The following CWC27 variants were observed in gnomAD, a reference collection of about 807,000 sequenced individuals.
CWC27 encodes the protein spliceosome-associated protein CWC27 homolog.
CWC27 carries 47 observed loss-of-function variants against 63.6 expected under a neutral mutation model. That is an observed-to-expected ratio of 0.74 (90% CI 0.58 to 0.94). CWC27 has a LOEUF of 0.94. CWC27 is among the 40% of genes least tolerant of loss of function. The pLI is 0.00. For missense variants in CWC27, 495 were observed against 554.3 expected (o/e 0.89, Z 1.07); for synonymous variants, 175 against 179.8 (o/e 0.97, Z 0.22).
chr5:64,847,691 A>G (rs1468324822), intron 10 of CWC27, among the ~76,000 whole-genome samples: 4 of 152,328 alleles, frequency 2.6e-5, no homozygotes, highest in East Asian at 1.9e-4. Context: ...TCTGACCACA[A>G]TGATATGAAG....
At position 64,871,539 on chromosome 5, in the gene CWC27, G is replaced by A. The variant is rs145576627; in HGVS notation, c.939-13904G>A. ...TAGGATGTGGGAATGCATGCAAAAAGTGAGGCAAGAGATAAAGATGGAGAA... is the reference window on the plus strand; with the variant it reads ...TAGGATGTGGGAATGCATGCAAAAAATGAGGCAAGAGATAAAGATGGAGAA... On this transcript the variant is annotated intron_variant, in intron 10 of 13. Coordinates refer to ENST00000381070, the MANE Select transcript of CWC27 (RefSeq NM_005869.4). Among the ~76,000 whole-genome samples the A allele has an allele frequency of 2.3e-3, 357 of 152,212 alleles. 1 individual carries two copies. The highest frequency in any genetic ancestry group is 8.3e-3 in the African/African-American group (344 of 41,540).
chr5:64,994,163 A>T (rs1749588361), intron 13 of CWC27, among the ~76,000 whole-genome samples: 1 of 152,290 alleles, frequency 6.6e-6, no homozygotes, highest in African/African-American at 2.4e-5. Flanking sequence ...TAGTCAGATT[A>T]TCATCATTGT....
At chr5:64,997,360 G>T (rs2112463132) in intron 13 of CWC27, among the ~76,000 whole-genome samples, 1 of 152,180 alleles carries the variant, frequency 6.6e-6, no homozygotes, top group Middle Eastern at 3.4e-3. Flanking sequence ...TGGATTAAAT[G>T]AAATACTATT....
chr5:64,929,504 C>T (rs1414823680), intron 11 of CWC27, among the ~76,000 whole-genome samples: 1 of 152,080 alleles, frequency 6.6e-6, no homozygotes, highest in Non-Finnish European at 1.5e-5. Flanking sequence ...TGAGAACACA[C>T]AACTCAAGAA....
intron 11 of CWC27, among the ~76,000 whole-genome samples, chr5:64,904,632 CAT>C (rs1358917703): frequency 2.0e-5 from 3 of 152,216 alleles, no homozygotes; most frequent in Admixed American, 2.0e-4. Context: ...TAAAGTGACA[CAT>C]GTCACTAAGT....
chr5:64,923,694 T>A (rs1396696713), intron 11 of CWC27, among the ~76,000 whole-genome samples: 1 of 150,760 alleles, frequency 6.6e-6, no homozygotes, highest in Non-Finnish European at 1.5e-5. Context: ...ATTGATTTAC[T>A]GAGTTTTGAA....
chr5:65,017,176 C>G (rs1287452603), intron 13 of CWC27, among the ~76,000 whole-genome samples: 1 of 152,026 alleles, frequency 6.6e-6, no homozygotes, highest in Non-Finnish European at 1.5e-5. Flanking sequence ...AAAAAATTAG[C>G]CAGGCGTGGT....
At chr5:64,902,463 A>G (rs377697875) in intron 11 of CWC27, among the ~76,000 whole-genome samples, 3 of 152,174 alleles carry the variant, frequency 2.0e-5, no homozygotes, top group South Asian at 2.1e-4. Flanking sequence ...GTTCTAGACC[A>G]TTTGTTGAAA....
At chr5:64,839,567 G>T (rs1379181569) in intron 10 of CWC27, among the ~76,000 whole-genome samples, 3 of 152,190 alleles carry the variant, frequency 2.0e-5, no homozygotes, top group Admixed American at 2.0e-4. Flanking sequence ...AAACGAGAAA[G>T]CACAGGGCCT....
At chr5:64,889,114 A>G (rs1747158092) in intron 11 of CWC27, among the ~76,000 whole-genome samples, 1 of 152,222 alleles carries the variant, frequency 6.6e-6, no homozygotes, top group South Asian at 2.1e-4. Flanking sequence ...TGTCAAGGTC[A>G]TGAAAGACAA....
intron 11 of CWC27, among the ~76,000 whole-genome samples, chr5:64,921,169 T>C (rs1319230746): frequency 6.6e-6 from 1 of 152,234 alleles, no homozygotes; most frequent in East Asian, 1.9e-4. Flanking sequence ...TAATTTTTTA[T>C]TTCTGCCTCA....
intron 13 of CWC27, among the ~76,000 whole-genome samples, chr5:64,996,437 T>C (rs1749633774): frequency 1.3e-5 from 2 of 152,176 alleles, no homozygotes; most frequent in African/African-American, 4.8e-5. Flanking sequence ...AGTAAAACGT[T>C]GAGCTGAGGT....
At chr5:64,897,690 G>A (rs1747413280) in intron 11 of CWC27, among the ~76,000 whole-genome samples, 1 of 152,050 alleles carries the variant, frequency 6.6e-6, no homozygotes, top group Admixed American at 6.5e-5. Context: ...TACATAGTTT[G>A]TTACCTATGT....
chr5:64,782,028 T>C lies in CWC27; in HGVS notation c.247T>C (p.Phe83Leu). 6.8e-7 allele frequency: 1 copy of C among 1,470,924 alleles called. No homozygotes were observed. Among genetic ancestry groups the C allele is most frequent in the Non-Finnish European group, 9.4e-7 (1 of 1,069,134 alleles). The allele number at this position is 1,470,924 out of a possible 1,614,324, so 91.1% of individuals were successfully genotyped here. The change falls in exon 3 of 14, where the codon TTC becomes CTC. Residue 83 changes from phenylalanine to leucine, a missense_variant. This residue lies in a region of CWC27 where 463 missense variants were observed against 498.1 expected (regional missense o/e 0.93). Transcript: ENST00000381070. ...TGGAGAGTCTATCTATGGAGCGCCA[T>C]TCAAAGTAAGACTGAATTATTATTT... Reference protein sequence around the residue: ...SGGESIYGAPFKDEFHSRLRF... With the variant: ...SGGESIYGAPLKDEFHSRLRF...
chr5:64,876,599 A>C (rs1461157675), intron 10 of CWC27, among the ~76,000 whole-genome samples: 1 of 152,094 alleles, frequency 6.6e-6, no homozygotes, highest in Non-Finnish European at 1.5e-5. Context: ...ATGTAGATTT[A>C]AGATCTCTCC....
chr5:64,904,843 A>G (rs766485489), intron 11 of CWC27, among the ~76,000 whole-genome samples: 7 of 152,212 alleles, frequency 4.6e-5, no homozygotes, highest in Non-Finnish European at 1.0e-4. Flanking sequence ...TAGGAATTTA[A>G]TTGTAAGACC....
chr5:64,999,848 T>C (rs1561184624), intron 13 of CWC27, among the ~76,000 whole-genome samples: 1 of 152,130 alleles, frequency 6.6e-6, no homozygotes, highest in African/African-American at 2.4e-5. Context: ...TTTGGATAGA[T>C]ACTCAGTAGT....
chr5:64,939,772 C>A (rs1580738687), intron 11 of CWC27, among the ~76,000 whole-genome samples: 1 of 152,088 alleles, frequency 6.6e-6, no homozygotes. Context: ...TATCTATAAT[C>A]CCCTGAATGG....
intron 11 of CWC27, among the ~76,000 whole-genome samples, chr5:64,925,324 A>G (rs973143674): frequency 5.9e-5 from 9 of 152,130 alleles, no homozygotes; most frequent in Non-Finnish European, 4.4e-5. Context: ...GCTTTTACAC[A>G]TCTTCACCCA....
Sources: allele counts gnomAD v4.1 joint callset (sites outside exome capture counted in the v4.1 genomes callset), GRCh38; gene constraint gnomAD v4.1.1; regional missense constraint gnomAD v4.1.1; transcripts MANE v1.5; gene names NCBI Gene and HGNC (gene_info 2026-07-23, HGNC 2026-07-21).